FSD2: variants seen among roughly 807,000 people sequenced by gnomAD.
FSD2 encodes fibronectin type III and SPRY domain containing 2.
In FSD2, 71 loss-of-function variants were observed where a neutral mutation model predicts 80.4. The observed-to-expected ratio is 0.88, with a 90% confidence interval of 0.73 to 1.08. The LOEUF (loss-of-function observed/expected upper bound fraction) is 1.08. Ranked by LOEUF, FSD2 falls within the 50% of genes least tolerant of loss-of-function variation. The probability of loss-of-function intolerance (pLI) is 0.00; values close to 1 mark genes in which losing one functional copy is unlikely to be tolerated. For missense variants in FSD2, 923 were observed against 913.8 expected (o/e 1.01, Z -0.13); for synonymous variants, 361 against 329.5 (o/e 1.10, Z -1.03).
At chr15:82,802,764 T>G (rs1566985349) in intron 1 of FSD2, among the ~76,000 whole-genome samples, 1 of 152,186 alleles carries the variant, frequency 6.6e-6, no homozygotes, top group Non-Finnish European at 1.5e-5. Flanking sequence ...TTGCTGCCTC[T>G]GCTCCTGGGG....
intron 7 of FSD2, 78 bp downstream of exon 7, chr15:82,771,995 C>T: frequency 7.2e-7 from 1 of 1,392,028 alleles, no homozygotes; most frequent in Non-Finnish European, 9.5e-7. Flanking sequence ...ATCCCAACTG[C>T]CAGGAAGACA....
At chr15:82,786,109 A>G (rs1411500909) in intron 3 of FSD2, among the ~76,000 whole-genome samples, 2 of 152,166 alleles carry the variant, frequency 1.3e-5, no homozygotes, top group African/African-American at 2.4e-5. Context: ...ATCACATACA[A>G]TTGGTGATTT....
At chr15:82,761,707 G>A (rs2049300621) in intron 12 of FSD2, among the ~76,000 whole-genome samples, 2 of 149,282 alleles carry the variant, frequency 1.3e-5, no homozygotes, top group South Asian at 2.1e-4. Context: ...TTAGAGACGG[G>A]GTCTTGCTAT....
At chr15:82,789,583 G>A (rs1462687040) in intron 1 of FSD2, among the ~76,000 whole-genome samples, 2 of 152,128 alleles carry the variant, frequency 1.3e-5, no homozygotes, top group African/African-American at 4.8e-5. Flanking sequence ...TTGTTGAACT[G>A]GGATTTGAGC....
intron 1 of FSD2, among the ~76,000 whole-genome samples, chr15:82,791,354 C>T (rs994743104): frequency 2.0e-5 from 3 of 151,640 alleles, no homozygotes; most frequent in African/African-American, 7.3e-5. Flanking sequence ...CAGTCAATTT[C>T]ACAGCATGTA....
intron 1 of FSD2, among the ~76,000 whole-genome samples, chr15:82,793,740 G>A (rs769697809): frequency 2.0e-4 from 30 of 152,082 alleles, no homozygotes; most frequent in Non-Finnish European, 4.1e-4. Flanking sequence ...GTCTTTCTAG[G>A]AAATGTCTAT....
At chr15:82,802,959 G>A (rs1347457444) in intron 1 of FSD2, among the ~76,000 whole-genome samples, 1 of 152,176 alleles carries the variant, frequency 6.6e-6, no homozygotes, top group Admixed American at 6.5e-5. Context: ...AGCTCTGAAT[G>A]TTCATGGGGT....
At chr15:82,798,287 G>A (rs1436074670) in intron 1 of FSD2, among the ~76,000 whole-genome samples, 1 of 152,182 alleles carries the variant, frequency 6.6e-6, no homozygotes, top group African/African-American at 2.4e-5. Flanking sequence ...TGAGGCTGCA[G>A]TGAGCTATTA....
intron 6 of FSD2, among the ~76,000 whole-genome samples, chr15:82,774,960 T>C (rs1030775793): frequency 6.6e-6 from 1 of 151,418 alleles, no homozygotes; most frequent in Non-Finnish European, 1.5e-5. Context: ...GACCTCATGA[T>C]CCACCCACCT....
rs1177354602 is a variant in FSD2, at chr15:82,756,052, C to T, written c.*3296G>A. The T allele has an allele frequency of 8.1e-6, 4 of 494,782 alleles. No homozygotes were observed. Among genetic ancestry groups the T allele is most frequent in the African/African-American group, 7.8e-5 (4 of 51,546 alleles). 30.6% of individuals were successfully genotyped at this position (494,782 alleles called of 1,614,324 possible). Reference sequence around the variant, plus strand: ...CTTGTTTGCAAAATAAATTCAAGACCTACTTATCTACCAACAGCAATTACA... The same window carrying T: ...CTTGTTTGCAAAATAAATTCAAGACTTACTTATCTACCAACAGCAATTACA... On this transcript the variant is annotated 3_prime_UTR_variant, in exon 13 of 13. Transcript: ENST00000334574.
chr15:82,804,575 C>T (rs192755618), intron 1 of FSD2, among the ~76,000 whole-genome samples: 1 of 152,284 alleles, frequency 6.6e-6, no homozygotes, highest in Non-Finnish European at 1.5e-5. Flanking sequence ...ACACCATCTA[C>T]AGACAGAGGA....
chr15:82,795,224 G>C (rs1303282441), intron 1 of FSD2, among the ~76,000 whole-genome samples: 2 of 152,080 alleles, frequency 1.3e-5, no homozygotes, highest in Admixed American at 6.6e-5. Flanking sequence ...AGACAACATA[G>C]AGTTGGCTAT....
In FSD2 at chr15:82,782,928, C is replaced by G; in HGVS notation, c.833G>C (p.Gly278Ala). The G allele has an allele frequency of 6.2e-7, 1 of 1,613,838 alleles. No individual in the cohort carries two copies. Reference sequence around the variant, plus strand: ...TTCCAGCTTCTCTTTCTTTTTCTCCCCTAGAGCTTGTATTTTTTCCTCATA... The same window carrying G: ...TTCCAGCTTCTCTTTCTTTTTCTCCGCTAGAGCTTGTATTTTTTCCTCATA... ...QKYEEKIQAL[G>A]EKKKEKLEAL... The change falls in exon 4 of 13, where the codon GGG becomes GCG. Residue 278 changes from glycine (G) to alanine (A), a missense_variant. By Grantham distance (60) the Gly-to-Ala change is moderately conservative (BLOSUM62 0). Coordinates refer to ENST00000334574, the MANE Select transcript of FSD2 (RefSeq NM_001007122.4).
chr15:82,791,695 C>T (rs528977077), intron 1 of FSD2, among the ~76,000 whole-genome samples: 1 of 152,238 alleles, frequency 6.6e-6, no homozygotes, highest in East Asian at 1.9e-4. Context: ...ATTTTTATCA[C>T]CTCAAAAAGA....
chr15:82,776,781 C>T (rs554078623), intron 6 of FSD2, among the ~76,000 whole-genome samples: 1 of 152,184 alleles, frequency 6.6e-6, no homozygotes, highest in South Asian at 2.1e-4. Context: ...TAGCTAAAGC[C>T]ATCTTGGGAA....
intron 1 of FSD2, among the ~76,000 whole-genome samples, chr15:82,788,714 A>G (rs969898337): frequency 2.0e-5 from 3 of 151,888 alleles, no homozygotes; most frequent in Non-Finnish European, 4.4e-5. Flanking sequence ...CAGGAACCTT[A>G]AAGATGTTCA....
Position 82,759,296 on chromosome 15 carries a change from C to CAGCT in FSD2, c.*48_*51dup. 3 of 1,585,930 alleles carry CAGCT rather than the reference C, an allele frequency of 1.9e-6. No individual in the cohort carries two copies. Among genetic ancestry groups the CAGCT allele is most frequent in the East Asian group, 2.2e-5 (1 of 44,646 alleles). ...CAGGTTCAGCCAGCTAAGGCGTGAG[C>CAGCT]AGCTGCGAGAGGGGTAGGCATGGAA... On this transcript the variant is annotated 3_prime_UTR_variant, in exon 13 of 13. Transcript: ENST00000334574.
At chr15:82,775,685 G>T (rs551258033) in intron 6 of FSD2, among the ~76,000 whole-genome samples, 4 of 152,138 alleles carry the variant, frequency 2.6e-5, no homozygotes, top group East Asian at 3.9e-4. Flanking sequence ...TGCAAAATTT[G>T]GGCTTAGCTT....
chr15:82,767,310 T>C (rs1413106119), intron 9 of FSD2, among the ~76,000 whole-genome samples: 8 of 152,222 alleles, frequency 5.3e-5, no homozygotes, highest in African/African-American at 1.9e-4. Context: ...AGGAGGTAAC[T>C]GGATGAAAAA....
Sources: allele counts gnomAD v4.1 joint callset (sites outside exome capture counted in the v4.1 genomes callset), GRCh38; gene constraint gnomAD v4.1.1; transcripts MANE v1.5; gene names NCBI Gene and HGNC (gene_info 2026-07-23, HGNC 2026-07-21).